The following XDH variants were observed in gnomAD, a reference collection of about 807,000 sequenced individuals.
The protein encoded by XDH is xanthine dehydrogenase/oxidase.
XDH carries 138 observed loss-of-function variants against 156.1 expected under a neutral mutation model. The ratio of observed to expected loss-of-function variants is 0.88; its 90% CI spans 0.77 to 1.02. The LOEUF is 1.02. Among genes scored for constraint, XDH ranks in the 50% least tolerant of loss-of-function variants. The pLI is 0.00. For synonymous variants in XDH, 669 were observed against 625.7 expected (o/e 1.07, Z -1.03); for missense variants, 1,849 against 1,684.9 (o/e 1.10, Z -1.71).
At chr2:31,385,369 C>T (rs1686560343) in intron 9 of XDH, among the ~76,000 whole-genome samples, 1 of 152,132 alleles carries the variant, frequency 6.6e-6, no homozygotes, top group African/African-American at 2.4e-5. Context: ...CAGTTGGGGA[C>T]TCTATCTTAT....
intron 12 of XDH, 29 bp downstream of exon 12, chr2:31,381,603 CT>C (rs2148780359): frequency 1.2e-6 from 2 of 1,611,566 alleles, no homozygotes; most frequent in South Asian, 2.2e-5. Context: ...CCAAGTCCTT[CT>C]TCCTGGACCT....
intron 31 of XDH, among the ~76,000 whole-genome samples, chr2:31,343,179 T>C (rs1685169905): frequency 6.6e-6 from 1 of 151,436 alleles, no homozygotes; most frequent in Admixed American, 6.6e-5. Flanking sequence ...AAAACCTTAG[T>C]TTCATGAACT....
chr2:31,342,223 C>G lies in XDH; in HGVS notation c.3479G>C (p.Cys1160Ser). 1 of 1,614,138 alleles carries G rather than the reference C, an allele frequency of 6.2e-7. No homozygotes were observed. Among genetic ancestry groups the G allele is most frequent in the Non-Finnish European group, 8.5e-7 (1 of 1,180,004 alleles). Residue 1160 changes from cysteine (C) to serine (S), a missense_variant, in exon 32 of 36, where the codon TGC becomes TCC. Cys to Ser is a moderately radical substitution (Grantham distance 112). Coordinates refer to ENST00000379416, the MANE Select transcript of XDH (RefSeq NM_000379.4). ...TAGGCAGTCGATTTCTACTTCAGAGCAAGCCACCCCATAGCTGAAGTAGTG... is the reference window on the plus strand; with the variant it reads ...TAGGCAGTCGATTTCTACTTCAGAGGAAGCCACCCCATAGCTGAAGTAGTG... ...PFHYFSYGVA[C>S]SEVEIDCLTG...
In XDH at chr2:31,375,543, TC is replaced by T; in HGVS notation, c.1438del (p.Glu480ArgfsTer42). 1 of 1,613,412 alleles carries T rather than the reference TC, an allele frequency of 6.2e-7. No homozygotes were observed. Among genetic ancestry groups the T allele is most frequent in the Non-Finnish European group, 8.5e-7 (1 of 1,179,986 alleles). On this transcript the variant is annotated frameshift_variant, in exon 15 of 36. Coordinates refer to ENST00000379416, the MANE Select transcript of XDH (RefSeq NM_000379.4). LOFTEE classifies it high-confidence loss of function. ...TGCACACACGTCCTGCAGCAGCTCC[TC>T]CTTCCAGAGCCTGCCAGAGAGCAGG... Reference protein sequence around the residue: ...TQRQLSKLWKEELLQDVCAGL... With the variant: ...TQRQLSKLWKXELLQDVCAGL...
chr2:31,377,478 A>C (rs749110709), intron 13 of XDH, among the ~76,000 whole-genome samples: 4 of 152,260 alleles, frequency 2.6e-5, no homozygotes, highest in Non-Finnish European at 4.4e-5. Context: ...TAGTCAGAAA[A>C]GCTGAGGGTC....
chr2:31,393,912 T>C (rs759633079), intron 6 of XDH, among the ~76,000 whole-genome samples: 14 of 151,910 alleles, frequency 9.2e-5, no homozygotes, highest in African/African-American at 1.9e-4. Flanking sequence ...TTGTATCTTA[T>C]AATAACAAAA....
intron 13 of XDH, among the ~76,000 whole-genome samples, chr2:31,379,206 A>T (rs1686360676): frequency 6.6e-6 from 1 of 152,180 alleles, no homozygotes; most frequent in Non-Finnish European, 1.5e-5. Context: ...CAGGGAACAA[A>T]GAGGAAGGCA....
chr2:31,387,958 A>G, intron 7 of XDH, 61 bp from the exon 8 acceptor site: 1 of 1,516,430 alleles, frequency 6.6e-7, no homozygotes, highest in Non-Finnish European at 8.9e-7. Flanking sequence ...ACCCAAGAGG[A>G]CCAATTCAGC....
Position 31,337,792 on chromosome 2 carries a change from A to T in XDH, c.3800T>A (p.Leu1267Gln). The change falls in exon 35 of 36, where the codon CTG becomes CAG. Residue 1267 changes from leucine to glutamine, a missense_variant. Leu to Gln is a moderately radical substitution (Grantham distance 113, BLOSUM62 -2). Coordinates refer to ENST00000379416, the MANE Select transcript of XDH (RefSeq NM_000379.4). Reference protein sequence around the residue: ...SKAVGEPPLFLAASIFFAIKD... With the variant: ...SKAVGEPPLFQAASIFFAIKD... Reference sequence around the variant, plus strand: ...GATGGCAAAGAAGATAGAAGCAGCCAGGAAGAGGGGCGGCTCTCCAACAGC... The same window carrying T: ...GATGGCAAAGAAGATAGAAGCAGCCTGGAAGAGGGGCGGCTCTCCAACAGC... 6.2e-7 allele frequency: 1 copy of T among 1,614,214 alleles called. No individual in the cohort carries two copies.
intron 26 of XDH, among the ~76,000 whole-genome samples, 156 bp downstream of exon 26, chr2:31,349,530 T>C (rs899225858): frequency 1.3e-5 from 2 of 152,164 alleles, no homozygotes; most frequent in Non-Finnish European, 2.9e-5. Flanking sequence ...CTGAAGATCA[T>C]TATAAGATCT....
At chr2:31,406,186 G>A (rs556361991) in intron 1 of XDH, among the ~76,000 whole-genome samples, 1 of 152,274 alleles carries the variant, frequency 6.6e-6, no homozygotes, top group South Asian at 2.1e-4. Context: ...GATTTCTCAT[G>A]AATGGCTTAG....
chr2:31,387,887 G>A lies in XDH; in HGVS notation c.575C>T (p.Ser192Leu), dbSNP rs866837583. ...CTCCTCTGGTTTGAATAAAGATGGC[G>A]AGAGGCTGACCTATGGGGAAAGAGA... Reference protein sequence around the residue: ...NQKKDHSVSLSPSLFKPEEFT... With the variant: ...NQKKDHSVSLLPSLFKPEEFT... Residue 192 changes from serine to leucine, a missense_variant, in exon 8 of 36, where the codon TCG becomes TTG. By Grantham distance (145) the Ser-to-Leu change is moderately radical. Coordinates refer to ENST00000379416, the MANE Select transcript of XDH (RefSeq NM_000379.4). The A allele has an allele frequency of 8.2e-6, 13 of 1,581,672 alleles. No individual in the cohort carries two copies. In the Admixed American group the frequency reaches 1.5e-4, roughly 18 times the overall value.
chr2:31,372,495 G>A, intron 16 of XDH, 98 bp from the exon 17 acceptor site: 1 of 1,523,774 alleles, frequency 6.6e-7, no homozygotes, highest in African/African-American at 1.4e-5. Context: ...CATGGCAAAG[G>A]ACACCAAGGG....
At chr2:31,399,566 A>C (rs1227498146) in intron 4 of XDH, among the ~76,000 whole-genome samples, 1 of 152,230 alleles carries the variant, frequency 6.6e-6, no homozygotes, top group Admixed American at 6.5e-5. Flanking sequence ...TTATACAGAT[A>C]CAACCTAATT....
rs375218282 is a variant in XDH, at chr2:31,336,445, G to A, written c.3952-437C>T. On this transcript the variant is annotated intron_variant, in intron 35 of 35. Transcript: ENST00000379416. ...TTCTGCATCAGACTGTTGGCAAAGA[G>A]CTCGCCTTGCAAACTGTGGCAGCTT... Among the ~76,000 whole-genome samples, 180 of 152,212 alleles carry A rather than the reference G, an allele frequency of 1.2e-3. 2 individuals are homozygous for A. Among genetic ancestry groups the A allele is most frequent in the African/African-American group, 4.2e-3 (174 of 41,532 alleles).
chr2:31,386,988 A>AAAGGAAGGAAGGAAGGAAGG (rs72299308), intron 8 of XDH, among the ~76,000 whole-genome samples: 4 of 90,508 alleles, frequency 4.4e-5, no homozygotes, highest in Admixed American at 2.6e-4. Flanking sequence ...GGGAGGGAAG[A>AAAGGAAGGAAGGAAGGAAGG]AAGGAAGGAA....
At chr2:31,341,672 G>C (rs1019171963) in intron 32 of XDH, among the ~76,000 whole-genome samples, 1 of 152,160 alleles carries the variant, frequency 6.6e-6, no homozygotes, top group African/African-American at 2.4e-5. Flanking sequence ...TACGTGAGTA[G>C]TCAGATAGGG....
intron 16 of XDH, 150 bp downstream of exon 16, chr2:31,373,723 A>G: frequency 6.5e-6 from 5 of 766,348 alleles, no homozygotes; most frequent in Non-Finnish European, 6.7e-6. Flanking sequence ...TACGATTCCC[A>G]TTTTCTTCAC....
intron 14 of XDH, 80 bp from the exon 15 acceptor site, chr2:31,375,634 T>C: frequency 2.0e-6 from 3 of 1,517,236 alleles, no homozygotes; most frequent in Non-Finnish European, 1.8e-6. Flanking sequence ...GCCCAGGGCC[T>C]CGGAGCTGTA....
Sources: allele counts gnomAD v4.1 joint callset (sites outside exome capture counted in the v4.1 genomes callset), GRCh38; gene constraint gnomAD v4.1.1; transcripts MANE v1.5; gene names NCBI Gene and HGNC (gene_info 2026-07-23, HGNC 2026-07-21).